The following TP73 variants were observed in gnomAD, a reference collection of about 807,000 sequenced individuals.
The protein encoded by TP73 is tumor protein p73.
Under a neutral mutation model 62.5 loss-of-function variants are expected in TP73, and 25 were observed. The ratio of observed to expected loss-of-function variants is 0.40; its 90% CI spans 0.29 to 0.56. The LOEUF is 0.56. Ranked by LOEUF, TP73 falls within the 20% of genes least tolerant of loss-of-function variation. The pLI, the probability that TP73 is intolerant of heterozygous loss-of-function variation, is 0.46. For synonymous variants in TP73, 423 were observed against 377.5 expected (o/e 1.12, Z -1.40); for missense variants, 754 against 913.3 (o/e 0.83, Z 2.25).
rs1236755826 is a variant in TP73 at position 3,666,607 on chromosome 1, C to G, written c.-34+13966C>G. Among the ~76,000 whole-genome samples the G allele has an allele frequency of 6.6e-6, 1 of 152,064 alleles. No homozygotes were observed. The highest frequency in any genetic ancestry group is 1.9e-4 in the East Asian group (1 of 5,178). On this transcript the variant is annotated intron_variant, in intron 1 of 13. Coordinates refer to ENST00000378295, the MANE Select transcript of TP73 (RefSeq NM_005427.4). The surrounding 1 kb of genome is among the most constrained non-coding windows in gnomAD (Gnocchi z 6.4). ...GTCCCTCTGCTGGCTCCCTCCCCAC[C>G]ACCTCCTGCCCACCTCCCTGGCCTT...
chr1:3,664,642 G>A (rs775412370), intron 1 of TP73, among the ~76,000 whole-genome samples: 17 of 152,178 alleles, frequency 1.1e-4, no homozygotes, highest in African/African-American at 1.9e-4. Flanking sequence ...GTGCCCACCC[G>A]CCAGACTGGG....
rs1397375601 is a variant in TP73, at chr1:3,652,951, C to G, written c.-34+310C>G. 2.0e-5 allele frequency among the ~76,000 whole-genome samples: 3 copies of G among 152,142 alleles called. No homozygotes were observed. The East Asian group carries it at 5.8e-4, about 29-fold the overall frequency. ...CCGGGAGGGCCCTCCTCCTGCTGTC[C>G]CCTCTCCACCCCGGGCTCCGAGGGC... On this transcript the variant is annotated intron_variant, in intron 1 of 13. Transcript: ENST00000378295.
intron 1 of TP73, among the ~76,000 whole-genome samples, chr1:3,676,042 T>G (rs1161738074): frequency 1.6e-4 from 23 of 143,152 alleles, no homozygotes; most frequent in African/African-American, 6.1e-4. Flanking sequence ...GCCAGGCATG[T>G]GGGGACTGGG....
At chr1:3,669,023 C>T (rs551390929) in intron 1 of TP73, among the ~76,000 whole-genome samples, 2 of 152,250 alleles carry the variant, frequency 1.3e-5, no homozygotes, top group African/African-American at 4.8e-5. Context: ...AGGCCGGCCA[C>T]GCTGCCGCCT....
At chr1:3,656,291 G>A (rs1428115175) in intron 1 of TP73, among the ~76,000 whole-genome samples, 3 of 152,192 alleles carry the variant, frequency 2.0e-5, no homozygotes, top group African/African-American at 7.2e-5. Context: ...CTGCCCCCTG[G>A]CAGTCCACTC....
At position 3,666,132 on chromosome 1, in the gene TP73, A is replaced by G; in HGVS notation, c.-34+13491A>G. ...AGAGCAAAACTCTGTCTCAAAAAAA[A>G]AAAAAAAAAAAAAAAAAAAGAGAGA... On this transcript the variant is annotated intron_variant, in intron 1 of 13. Transcript: ENST00000378295. The surrounding 1 kb of genome is among the most constrained non-coding windows in gnomAD (Gnocchi z 6.4). 7.0e-6 allele frequency among the ~76,000 whole-genome samples: 1 copy of G among 143,018 alleles called. No individual in the cohort carries two copies. Among genetic ancestry groups the G allele is most frequent in the Non-Finnish European group, 1.5e-5 (1 of 64,524 alleles). The allele number at this position is 143,018 out of a possible 152,430, so 93.8% of individuals were successfully genotyped here.
At chr1:3,669,239 T>G (rs1645187701) in intron 1 of TP73, among the ~76,000 whole-genome samples, 2 of 152,198 alleles carry the variant, frequency 1.3e-5, no homozygotes, top group South Asian at 4.1e-4. Context: ...GTGGGTGCAG[T>G]GGCTCCGGGG....
In TP73 at chr1:3,662,181, G is replaced by A. The variant is rs944090568; in HGVS notation, c.-34+9540G>A. Reference sequence around the variant, plus strand: ...CTGGAGCAGGAACTCTTCCTTCACCGGCTTCTGTTGGGGCCCCAGGATCCT... The same window carrying A: ...CTGGAGCAGGAACTCTTCCTTCACCAGCTTCTGTTGGGGCCCCAGGATCCT... On this transcript the variant is annotated intron_variant, in intron 1 of 13. Coordinates refer to ENST00000378295, the MANE Select transcript of TP73 (RefSeq NM_005427.4). The surrounding 1 kb of genome is among the most constrained non-coding windows in gnomAD (Gnocchi z 4.4). 22 of 152,188 alleles carry A rather than the reference G, an allele frequency of 1.4e-4. No individual in the cohort carries two copies. Among genetic ancestry groups the A allele is most frequent in the African/African-American group, 5.1e-4 (21 of 41,434 alleles). 9.4% of individuals were successfully genotyped at this position (152,188 alleles called of 1,614,324 possible).
At chr1:3,698,500 G>T (rs1638867605) in intron 3 of TP73, among the ~76,000 whole-genome samples, 1 of 152,222 alleles carries the variant, frequency 6.6e-6, no homozygotes, top group African/African-American at 2.4e-5. Context: ...ACCTGGAAGG[G>T]AGGGGCTGGT....
chr1:3,698,909 C>T lies in TP73; in HGVS notation c.187-8640C>T, dbSNP rs193145547. On this transcript the variant is annotated intron_variant, in intron 3 of 13. Coordinates refer to ENST00000378295, the MANE Select transcript of TP73 (RefSeq NM_005427.4). ...GGATAGCAGCGGTGGCCCTGGGCCT[C>T]GCAGTCCTGCAGACACACGTCTGGG... is the stretch of plus-strand genomic sequence containing the variant. Among the ~76,000 whole-genome samples the T allele has an allele frequency of 7.9e-5, 12 of 152,288 alleles. 1 individual carries two copies. In the South Asian group the frequency reaches 1.7e-3, roughly 21 times the overall value.
At chr1:3,704,057 G>A (rs771608481) in intron 3 of TP73, among the ~76,000 whole-genome samples, 2 of 152,222 alleles carry the variant, frequency 1.3e-5, no homozygotes, top group Non-Finnish European at 2.9e-5. Flanking sequence ...GCTGGACTGG[G>A]GGAGCCGTCC....
At chr1:3,716,044 T>C (rs3753211) in intron 4 of TP73, among the ~76,000 whole-genome samples, 20,695 of 152,142 alleles carry the variant, frequency 0.14, 1,629 homozygotes, top group Middle Eastern at 0.18. Context: ...CTCAAGGTCG[T>C]GGTGGGGCAG....
chr1:3,685,848 G>A (rs960098802), intron 3 of TP73, among the ~76,000 whole-genome samples: 2 of 152,240 alleles, frequency 1.3e-5, no homozygotes, highest in Admixed American at 6.5e-5. Context: ...GGCATGGGGG[G>A]CTCTGAGTGC....
At chr1:3,716,467 A>T (rs537245285) in intron 4 of TP73, among the ~76,000 whole-genome samples, 8 of 152,190 alleles carry the variant, frequency 5.3e-5, no homozygotes, top group African/African-American at 1.7e-4. Flanking sequence ...GCTTAACACC[A>T]AGGTGTTCTG....
chr1:3,703,090 A>G (rs1280642167), intron 3 of TP73, among the ~76,000 whole-genome samples: 2 of 152,112 alleles, frequency 1.3e-5, no homozygotes, highest in African/African-American at 2.4e-5. Flanking sequence ...GGGAGGTCAG[A>G]GACCCAGAAA....
chr1:3,652,622 C>T lies in TP73; in HGVS notation c.-53C>T, dbSNP rs1015319330. Reference sequence around the variant, plus strand: ...GCCAGCCGGGACGGACGCCGATGCCCGGGGCTGCGACGGCTGCAGGTAGGA... The same window carrying T: ...GCCAGCCGGGACGGACGCCGATGCCTGGGGCTGCGACGGCTGCAGGTAGGA... On this transcript the variant is annotated 5_prime_UTR_variant, in exon 1 of 14. Transcript: ENST00000378295. 3 of 152,050 alleles carry T rather than the reference C, an allele frequency of 2.0e-5. No homozygotes were observed. The highest frequency in any genetic ancestry group is 7.2e-5 in the African/African-American group (3 of 41,404). The allele number at this position is 152,050 out of a possible 1,614,324, so 9.4% of individuals were successfully genotyped here.
chr1:3,711,957 C>G (rs528747203), intron 4 of TP73, among the ~76,000 whole-genome samples: 1 of 152,080 alleles, frequency 6.6e-6, no homozygotes, highest in Non-Finnish European at 1.5e-5. Flanking sequence ...TATGGAAGGA[C>G]GGCCAGGGAA....
At chr1:3,713,708 C>T (rs1640353653) in intron 4 of TP73, among the ~76,000 whole-genome samples, 1 of 152,166 alleles carries the variant, frequency 6.6e-6, no homozygotes, top group South Asian at 2.1e-4. Flanking sequence ...TCCGAGGAGC[C>T]TCAGGAAGAG....
rs1353864620 is a variant in TP73 at position 3,727,559 on chromosome 1, G to A, written c.843-69G>A. On this transcript the variant is annotated intron_variant, in intron 7 of 13. Coordinates refer to ENST00000378295, the MANE Select transcript of TP73 (RefSeq NM_005427.4). ...GCCGGTCCTGCAGGGTCCGAGGTGG[G>A]TGGGGAAGGTGGGCAGGTTGAGGGT... is the stretch of plus-strand genomic sequence containing the variant. 5 of 1,548,732 alleles carry A rather than the reference G, an allele frequency of 3.2e-6. No individual in the cohort carries two copies. The Admixed American group carries it at 5.8e-5, about 18-fold the overall frequency.
Sources: gnomAD v4.1 joint callset for allele counts (sites outside exome capture counted in the v4.1 genomes callset) on GRCh38, gnomAD v4.1.1 for gene constraint, Gnocchi (gnomAD v3.1) non-coding constraint, MANE v1.5 for transcripts, NCBI Gene and HGNC (gene_info 2026-07-23, HGNC 2026-07-21) for gene names.